Variants in FER observed in about 807,000 individuals in gnomAD.
The protein encoded by FER is FER tyrosine kinase.
In FER, 63 loss-of-function variants were observed where a neutral mutation model predicts 111.0. That is an observed-to-expected ratio of 0.57 (90% CI 0.46 to 0.70). The LOEUF (loss-of-function observed/expected upper bound fraction) is 0.70, where lower values mean the gene tolerates loss of function less well. Ranked by LOEUF, FER falls within the 30% of genes least tolerant of loss-of-function variation. The probability of loss-of-function intolerance (pLI) is 0.00; values close to 1 mark genes in which losing one functional copy is unlikely to be tolerated. For missense variants in FER, 914 were observed against 954.0 expected, an observed-to-expected ratio of 0.96 and a Z score of 0.55; for synonymous variants, 327 against 313.9, an observed-to-expected ratio of 1.04 and a Z score of -0.44.
At position 108,772,657 on chromosome 5, in the gene FER, A is replaced by T. The variant is rs185177658; in HGVS notation, c.-60+4419A>T. 2.1e-3 allele frequency among the ~76,000 whole-genome samples: 316 copies of T among 152,294 alleles called. 3 individuals carry two copies. The highest frequency in any genetic ancestry group is 7.1e-3 in the African/African-American group (293 of 41,560). On this transcript the variant is annotated intron_variant, in intron 2 of 19. Transcript: ENST00000281092. ...AAAACATAATTTCAACTTTAAATAT[A>T]CATGACATTGGCTGTGGTTTTTACA...
At chr5:109,055,211 C>G (rs575940403) in intron 16 of FER, among the ~76,000 whole-genome samples, 4 of 152,138 alleles carry the variant, frequency 2.6e-5, no homozygotes, top group African/African-American at 9.6e-5. Context: ...AATAAAATTC[C>G]TAGAAGAGAA....
At chr5:108,816,090 C>T (rs955491340) in intron 3 of FER, among the ~76,000 whole-genome samples, 1 of 151,930 alleles carries the variant, frequency 6.6e-6, no homozygotes, top group East Asian at 1.9e-4. Context: ...CACACACACA[C>T]CACACATATA....
At chr5:108,807,618 A>C (rs974870225) in intron 3 of FER, among the ~76,000 whole-genome samples, 3 of 152,068 alleles carry the variant, frequency 2.0e-5, no homozygotes, top group South Asian at 4.1e-4. Context: ...TATCAATTTC[A>C]TTCAGTTTTT....
At chr5:109,049,568 C>CT (rs906124423) in intron 16 of FER, among the ~76,000 whole-genome samples, 62 of 149,584 alleles carry the variant, frequency 4.1e-4, no homozygotes, top group African/African-American at 1.2e-3. Flanking sequence ...ATACTCTCTA[C>CT]TTTTTTTTTT....
At chr5:108,998,332 A>G (rs1404958380) in intron 13 of FER, among the ~76,000 whole-genome samples, 5 of 152,144 alleles carry the variant, frequency 3.3e-5, no homozygotes, top group South Asian at 2.1e-4. Flanking sequence ...GGAAAAGCAC[A>G]GTATCTGGGC....
At chr5:108,818,323 C>T (rs943897659) in intron 3 of FER, 2 of 151,936 alleles carry the variant, frequency 1.3e-5, no homozygotes, top group African/African-American at 4.8e-5. Context: ...TCCTGTGGTC[C>T]CAGCTGCTCA....
At chr5:108,957,716 T>G (rs1758614305) in intron 12 of FER, among the ~76,000 whole-genome samples, 2 of 151,554 alleles carry the variant, frequency 1.3e-5, no homozygotes, top group African/African-American at 4.8e-5. Flanking sequence ...CCATTAACAT[T>G]TATTATTTGT....
intron 11 of FER, among the ~76,000 whole-genome samples, chr5:108,950,580 T>C (rs1561665923): frequency 6.6e-6 from 1 of 152,200 alleles, no homozygotes; most frequent in African/African-American, 2.4e-5. Flanking sequence ...TTGTCTATCC[T>C]GAACACAAAT....
At chr5:109,146,848 C>T (rs144281207) in intron 17 of FER, among the ~76,000 whole-genome samples, 39 of 151,912 alleles carry the variant, frequency 2.6e-4, no homozygotes, top group African/African-American at 8.9e-4. Context: ...TACCTCAGAC[C>T]TGATGGACTG....
At chr5:108,839,572 C>CTTTTTTTTTTT (rs1232820003) in intron 5 of FER, among the ~76,000 whole-genome samples, 1 of 94,736 alleles carries the variant, frequency 1.1e-5, no homozygotes, top group Non-Finnish European at 2.0e-5. Context: ...ATGCCATTTT[C>CTTTTTTTTTTT]TTTTTTTTTT....
chr5:108,902,601 C>G (rs1001166706), intron 10 of FER, among the ~76,000 whole-genome samples: 1 of 152,150 alleles, frequency 6.6e-6, no homozygotes, highest in African/African-American at 2.4e-5. Context: ...TTTCAAGGAG[C>G]CTCCTGGGAG....
intron 3 of FER, among the ~76,000 whole-genome samples, chr5:108,817,103 CAAAAAAAA>C (rs70999913): frequency 1.2e-4 from 7 of 59,202 alleles, no homozygotes; most frequent in South Asian, 1.8e-3. Context: ...GACACTGTCT[CAAAAAAAA>C]AAAAAAAAAA....
intron 13 of FER, among the ~76,000 whole-genome samples, chr5:109,032,906 A>C (rs1769847108): frequency 6.6e-6 from 1 of 152,262 alleles, no homozygotes; most frequent in East Asian, 2.0e-4. Context: ...ATAGAATCCA[A>C]ATATTAACAA....
intron 13 of FER, among the ~76,000 whole-genome samples, chr5:108,976,511 C>T (rs1156991422): frequency 6.6e-6 from 1 of 151,976 alleles, no homozygotes; most frequent in Non-Finnish European, 1.5e-5. Context: ...ACAGTTGACC[C>T]CCTGAACAAT....
intron 18 of FER, among the ~76,000 whole-genome samples, chr5:109,181,883 C>T (rs1262626504): frequency 1.3e-5 from 2 of 152,198 alleles, no homozygotes; most frequent in Admixed American, 1.3e-4. Flanking sequence ...AAAACCCTGT[C>T]ACCAATAAGC....
intron 10 of FER, among the ~76,000 whole-genome samples, chr5:108,922,046 A>T (rs1286754865): frequency 6.6e-6 from 1 of 152,222 alleles, no homozygotes; most frequent in East Asian, 1.9e-4. Context: ...AGGCTGACAT[A>T]CAGGGAAGAC....
chr5:108,942,808 G>A (rs1756454176), intron 10 of FER, among the ~76,000 whole-genome samples: 1 of 152,032 alleles, frequency 6.6e-6, no homozygotes, highest in East Asian at 1.9e-4. Flanking sequence ...TTTCCCTGTA[G>A]TTATTTCTCA....
intron 17 of FER, among the ~76,000 whole-genome samples, chr5:109,134,951 G>GTT (rs1272478144): frequency 1.3e-5 from 2 of 152,132 alleles, no homozygotes; most frequent in African/African-American, 4.8e-5. Context: ...TGTGATCTTC[G>GTT]TAAGGGCAGA....
At chr5:108,974,293 T>C (rs1761048141) in intron 13 of FER, among the ~76,000 whole-genome samples, 1 of 152,108 alleles carries the variant, frequency 6.6e-6, no homozygotes, top group Non-Finnish European at 1.5e-5. Flanking sequence ...TTAGGGGACA[T>C]AGTATGTTAG....
Sources: allele counts gnomAD v4.1 joint callset (sites outside exome capture counted in the v4.1 genomes callset), GRCh38; gene constraint gnomAD v4.1.1; transcripts MANE v1.5; gene names NCBI Gene and HGNC (gene_info 2026-07-23, HGNC 2026-07-21).